The following PTPRD variants were observed in gnomAD, a reference collection of about 807,000 sequenced individuals.
The protein encoded by PTPRD is receptor-type tyrosine-protein phosphatase delta.
PTPRD carries 34 observed loss-of-function variants against 214.5 expected under a neutral mutation model. That is an observed-to-expected ratio of 0.16 (90% confidence interval 0.12 to 0.21). PTPRD has a LOEUF of 0.21. Ranked by LOEUF, PTPRD falls within the 10% of genes least tolerant of loss-of-function variation. The pLI is 1.00. For missense variants in PTPRD, 2,545 were observed against 2,398.7 expected (o/e 1.06, Z -1.27); for synonymous variants, 1,128 against 845.7 (o/e 1.33, Z -5.79).
At chr9:9,887,602 C>T (rs1027675239) in intron 5 of PTPRD, among the ~76,000 whole-genome samples, 3 of 152,136 alleles carry the variant, frequency 2.0e-5, no homozygotes, top group African/African-American at 7.2e-5. Flanking sequence ...GTGAGAACAT[C>T]AGTGTACCAT....
intron 31 of PTPRD, among the ~76,000 whole-genome samples, chr9:8,470,787 T>G (rs143419655): frequency 6.6e-6 from 1 of 152,148 alleles, no homozygotes; most frequent in African/African-American, 2.4e-5. Context: ...GTAAGCTTTA[T>G]TGCAGCTTAA....
At chr9:9,195,594 A>G (rs1003317580) in intron 9 of PTPRD, among the ~76,000 whole-genome samples, 3 of 152,066 alleles carry the variant, frequency 2.0e-5, no homozygotes, top group Non-Finnish European at 4.4e-5. Context: ...TATTTTCCTC[A>G]ATTCATCACA....
chr9:9,936,955 C>T (rs1602965241), intron 5 of PTPRD, among the ~76,000 whole-genome samples: 1 of 150,666 alleles, frequency 6.6e-6, no homozygotes, highest in East Asian at 2.0e-4. Flanking sequence ...AATCATCATT[C>T]TCAGTAAACT....
intron 8 of PTPRD, among the ~76,000 whole-genome samples, chr9:9,413,100 C>CTTTTTTTTTTTTTTTTTTTTT (rs5896325): frequency 2.1e-4 from 13 of 63,026 alleles, no homozygotes; most frequent in East Asian, 6.6e-4. Context: ...CTTGCAGCTT[C>CTTTTTTTTTTTTTTTTTTTTT]TTTTTTTTTT....
chr9:9,749,599 A>C (rs1431132924), intron 6 of PTPRD, among the ~76,000 whole-genome samples: 1 of 152,202 alleles, frequency 6.6e-6, no homozygotes, highest in Non-Finnish European at 1.5e-5. Flanking sequence ...ACAATATTCT[A>C]TAGACAATCC....
intron 3 of PTPRD, among the ~76,000 whole-genome samples, chr9:10,103,106 T>C (rs535489634): frequency 1.3e-5 from 2 of 151,522 alleles, no homozygotes; most frequent in Admixed American, 6.6e-5. Context: ...AGTCGGTCTA[T>C]AGACCTAGTA....
At chr9:10,010,932 A>T (rs909523692) in intron 4 of PTPRD, among the ~76,000 whole-genome samples, 63 of 151,972 alleles carry the variant, frequency 4.1e-4, no homozygotes, top group African/African-American at 1.5e-3. Context: ...TTCTAGTGTT[A>T]TCAGGAAAAT....
intron 37 of PTPRD, among the ~76,000 whole-genome samples, chr9:8,379,784 C>T (rs563790958): frequency 1.4e-4 from 22 of 152,144 alleles, no homozygotes; most frequent in Non-Finnish European, 2.4e-4. Flanking sequence ...CTACTGAATA[C>T]GAATACGGTT....
intron 11 of PTPRD, among the ~76,000 whole-genome samples, chr9:8,994,664 G>C (rs1030524488): frequency 6.6e-6 from 1 of 151,932 alleles, no homozygotes; most frequent in Non-Finnish European, 1.5e-5. Context: ...CGGTTGGAGG[G>C]GGGGTGTTGT....
intron 7 of PTPRD, among the ~76,000 whole-genome samples, chr9:9,713,117 C>G (rs539523897): frequency 7.1e-6 from 1 of 141,388 alleles, no homozygotes; most frequent in African/African-American, 2.8e-5. Context: ...GCCTATTGCA[C>G]TGATATCCAC....
At chr9:10,359,329 T>G (rs2097334411) in intron 2 of PTPRD, among the ~76,000 whole-genome samples, 1 of 152,034 alleles carries the variant, frequency 6.6e-6, no homozygotes, top group South Asian at 2.1e-4. Flanking sequence ...AGCTTATAAT[T>G]AAAACAGTTA....
intron 8 of PTPRD, among the ~76,000 whole-genome samples, chr9:9,469,569 G>A (rs1046409988): frequency 2.6e-5 from 4 of 152,156 alleles, no homozygotes; most frequent in Non-Finnish European, 5.9e-5. Flanking sequence ...AAGACCACAT[G>A]ATTAACTGAT....
At chr9:9,131,811 C>G (rs2099843103) in intron 10 of PTPRD, among the ~76,000 whole-genome samples, 1 of 152,064 alleles carries the variant, frequency 6.6e-6, no homozygotes, top group African/African-American at 2.4e-5. Flanking sequence ...GATGAATGTA[C>G]GTAGTGGTTC....
intron 9 of PTPRD, among the ~76,000 whole-genome samples, chr9:9,195,472 T>C (rs569310757): frequency 1.8e-4 from 27 of 152,168 alleles, no homozygotes; most frequent in Admixed American, 2.6e-4. Flanking sequence ...TGGGAAGACA[T>C]TTGTTGGGGA....
Position 8,605,752 on chromosome 9 carries a change from G to A in PTPRD, c.352+27565C>T, listed in dbSNP as rs114458118. ...TTCAGCACTCATGCCATTACCTTGT[G>A]CTTCAACAGACTTACACCACTTCCA... On this transcript the variant is annotated intron_variant, in intron 14 of 45. Transcript: ENST00000381196. 8.3e-3 allele frequency among the ~76,000 whole-genome samples: 1,262 copies of A among 152,290 alleles called. 20 individuals carry two copies. The highest frequency in any genetic ancestry group is 0.028 in the African/African-American group (1,170 of 41,560).
Position 9,971,990 on chromosome 9 carries a change from A to G in PTPRD, c.-471-33380T>C, listed in dbSNP as rs1433741918. On this transcript the variant is annotated intron_variant, in intron 4 of 45. Coordinates refer to ENST00000381196, the MANE Select transcript of PTPRD (RefSeq NM_002839.4). ...CAATTAATAAAATAACTGAATTTTT[A>G]AAAATATATATTAAGTTCTTCACTT... Among the ~76,000 whole-genome samples the G allele has an allele frequency of 2.6e-5, 4 of 152,170 alleles. No individual in the cohort carries two copies. In the East Asian group the frequency reaches 7.7e-4, roughly 29 times the overall value.
At chr9:10,399,635 C>T (rs922095463) in intron 2 of PTPRD, among the ~76,000 whole-genome samples, 3 of 151,766 alleles carry the variant, frequency 2.0e-5, no homozygotes, top group African/African-American at 7.3e-5. Context: ...GACAAGGTTA[C>T]CTATACCTAT....
intron 5 of PTPRD, among the ~76,000 whole-genome samples, chr9:9,849,652 CT>C (rs141995116): frequency 0.033 from 5,036 of 152,046 alleles, 272 homozygotes; most frequent in African/African-American, 0.11. Context: ...TTGCTAAGCT[CT>C]TGACTGGCAT....
rs2093451084 is a variant in PTPRD, at chr9:9,597,623, A to T, written c.-286-22842T>A. Among the ~76,000 whole-genome samples the T allele has an allele frequency of 2.0e-5, 3 of 152,026 alleles. No homozygotes were observed. The South Asian group carries it at 6.2e-4, about 31-fold the overall frequency. On this transcript the variant is annotated intron_variant, in intron 7 of 45. Coordinates refer to ENST00000381196, the MANE Select transcript of PTPRD (RefSeq NM_002839.4). ...AAAGCTGGGGGAAGTCAACAGTATCACATATAGTAGAGAAAGAAGTCAAGA... is the reference window on the plus strand; with the variant it reads ...AAAGCTGGGGGAAGTCAACAGTATCTCATATAGTAGAGAAAGAAGTCAAGA...
Sources: allele counts gnomAD v4.1 joint callset (sites outside exome capture counted in the v4.1 genomes callset), GRCh38; gene constraint gnomAD v4.1.1; transcripts MANE v1.5; gene names NCBI Gene and HGNC (gene_info 2026-07-23, HGNC 2026-07-21).